TENM2: variants seen among roughly 807,000 people sequenced by gnomAD.
TENM2 encodes the protein teneurin transmembrane protein 2.
Under a neutral mutation model 245.2 loss-of-function variants are expected in TENM2, and 52 were observed. The observed-to-expected ratio is 0.21, with a 90% CI of 0.17 to 0.27. TENM2 has a LOEUF of 0.27. TENM2 is among the 10% of genes least tolerant of loss of function. The pLI, the probability that TENM2 is intolerant of heterozygous loss-of-function variation, is 1.00. For synonymous variants in TENM2, 1,363 were observed against 1,438.9 expected, an observed-to-expected ratio of 0.95 and a Z score of 1.19; for missense variants, 3,046 against 3,666.8, an observed-to-expected ratio of 0.83 and a Z score of 4.37.
At chr5:167,622,414 A>C (rs549142263) in intron 2 of TENM2, among the ~76,000 whole-genome samples, 40 of 152,296 alleles carry the variant, frequency 2.6e-4, no homozygotes, top group African/African-American at 9.4e-4. Context: ...CAATGAATTG[A>C]GATTCAGGGT....
chr5:168,184,027 A>G (rs1040663782), intron 13 of TENM2, among the ~76,000 whole-genome samples: 1 of 152,144 alleles, frequency 6.6e-6, no homozygotes, highest in Admixed American at 6.5e-5. Context: ...ATGAAGATCA[A>G]GAGCATGCCC....
intron 2 of TENM2, among the ~76,000 whole-genome samples, chr5:167,796,672 G>A (rs72832022): frequency 0.14 from 21,659 of 151,982 alleles, 1,992 homozygotes; most frequent in East Asian, 0.4. Context: ...TGTCTCTCCT[G>A]TAGAGTTGGG....
the TENM2 span, among the ~76,000 whole-genome samples, chr5:167,162,359 G>A: frequency 1.3e-5 from 2 of 152,118 alleles, no homozygotes; most frequent in African/African-American, 4.8e-5. Flanking sequence ...CGGGCATGGT[G>A]GCTCAGGCCT....
At chr5:167,911,036 A>G (rs1469738454) in intron 3 of TENM2, among the ~76,000 whole-genome samples, 1 of 152,234 alleles carries the variant, frequency 6.6e-6, no homozygotes, top group African/African-American at 2.4e-5. Flanking sequence ...TAAACTTCTT[A>G]TTAGAAGATT....
At chr5:167,626,356 CT>C (rs1778499010) in intron 2 of TENM2, among the ~76,000 whole-genome samples, 1 of 151,606 alleles carries the variant, frequency 6.6e-6, no homozygotes, top group Admixed American at 6.6e-5. Context: ...TGTTTCTGTC[CT>C]AGCTTCCCAA....
intron 2 of TENM2, among the ~76,000 whole-genome samples, chr5:167,411,858 C>A (rs1762928821): frequency 1.5e-5 from 2 of 131,822 alleles, no homozygotes. Flanking sequence ...TTATCATATT[C>A]ATGTCTAAAT....
At chr5:168,093,318 T>C (rs1160962614) in intron 8 of TENM2, among the ~76,000 whole-genome samples, 1 of 152,222 alleles carries the variant, frequency 6.6e-6, no homozygotes, top group Non-Finnish European at 1.5e-5. Flanking sequence ...GGATCTCTCT[T>C]GTCTGGACTG....
chr5:167,077,340 C>G, the TENM2 span, among the ~76,000 whole-genome samples: 1 of 151,732 alleles, frequency 6.6e-6, no homozygotes, highest in African/African-American at 2.4e-5. Flanking sequence ...ACTTTTTTTT[C>G]TTTTTAGCAT....
rs1044488344 is a variant in TENM2 at position 167,449,117 on chromosome 5, T to C, written c.502+73644T>C. 2.8e-4 allele frequency among the ~76,000 whole-genome samples: 42 copies of C among 152,214 alleles called. 1 individual carries two copies. The highest frequency in any genetic ancestry group is 9.2e-4 in the African/African-American group (38 of 41,460). On this transcript the variant is annotated intron_variant, in intron 2 of 28. Coordinates refer to ENST00000518659, the Ensembl canonical transcript of TENM2. ...TAATTTTCCAAATAAAATTGTAATG[T>C]GGCCAATTTAGATGTAAAAGCTAAA...
chr5:168,138,894 G>A (rs906206295), intron 12 of TENM2, among the ~76,000 whole-genome samples: 1 of 152,196 alleles, frequency 6.6e-6, no homozygotes, highest in African/African-American at 2.4e-5. Flanking sequence ...GAATATCACC[G>A]AGGCAGCAAG....
At chr5:167,820,096 T>G (rs376727102) in intron 2 of TENM2, among the ~76,000 whole-genome samples, 99 of 152,234 alleles carry the variant, frequency 6.5e-4, no homozygotes, top group Middle Eastern at 6.8e-3. Flanking sequence ...TGGAGTGTCT[T>G]CTGCTCACTC....
At chr5:167,347,346 A>C (rs1384146232) in intron 1 of TENM2, among the ~76,000 whole-genome samples, 1 of 152,184 alleles carries the variant, frequency 6.6e-6, no homozygotes, top group Non-Finnish European at 1.5e-5. Flanking sequence ...CCAGACCAAA[A>C]GCAGTCAGTG....
intron 2 of TENM2, among the ~76,000 whole-genome samples, chr5:167,495,988 CA>C (rs1288462268): frequency 1.3e-5 from 2 of 151,946 alleles, no homozygotes; most frequent in African/African-American, 4.8e-5. Flanking sequence ...TTTCCTCTAC[CA>C]TATACAAAAC....
chr5:167,587,656 C>T (rs138997675), intron 2 of TENM2, among the ~76,000 whole-genome samples: 1 of 152,326 alleles, frequency 6.6e-6, no homozygotes, highest in African/African-American at 2.4e-5. Context: ...AGTTAATTCC[C>T]TACATCTCCA....
chr5:168,102,355 G>A (rs1211998029), intron 9 of TENM2, among the ~76,000 whole-genome samples: 1 of 152,212 alleles, frequency 6.6e-6, no homozygotes, highest in Admixed American at 6.5e-5. Flanking sequence ...TTACAGGCGT[G>A]AGCCACCTCG....
At chr5:167,641,626 C>T (rs555552089) in intron 2 of TENM2, among the ~76,000 whole-genome samples, 123 of 152,248 alleles carry the variant, frequency 8.1e-4, no homozygotes, top group Non-Finnish European at 1.4e-3. Context: ...AGTTACTGAG[C>T]ATCAAAATCA....
chr5:167,597,597 G>C (rs1389451737), intron 2 of TENM2, among the ~76,000 whole-genome samples: 1 of 152,194 alleles, frequency 6.6e-6, no homozygotes, highest in Admixed American at 6.5e-5. Context: ...TAAGGAGTCA[G>C]GGTGGTGGGG....
intron 1 of TENM2, among the ~76,000 whole-genome samples, chr5:167,357,407 C>A (rs949097843): frequency 6.6e-6 from 1 of 151,696 alleles, no homozygotes; most frequent in East Asian, 1.9e-4. Context: ...CTCAGCCTCC[C>A]GAGTAGCTGG....
chr5:167,361,999 C>T (rs1759745192), intron 1 of TENM2, among the ~76,000 whole-genome samples: 1 of 152,116 alleles, frequency 6.6e-6, no homozygotes, highest in African/African-American at 2.4e-5. Flanking sequence ...CCTTATTGAG[C>T]CAGCTTCTGC....
Sources: allele counts gnomAD v4.1 joint callset (sites outside exome capture counted in the v4.1 genomes callset), GRCh38; gene constraint gnomAD v4.1.1; transcripts MANE v1.5; gene names NCBI Gene and HGNC (gene_info 2026-07-23, HGNC 2026-07-21).